NDUFAF7: variants seen among roughly 807,000 people sequenced by gnomAD.
NDUFAF7 encodes the protein protein arginine methyltransferase NDUFAF7, mitochondrial.
NDUFAF7 carries 48 observed loss-of-function variants against 47.2 expected under a neutral mutation model. The ratio of observed to expected loss-of-function variants is 1.02; its 90% confidence interval spans 0.81 to 1.29. The LOEUF (loss-of-function observed/expected upper bound fraction) is 1.29, where lower values mean the gene tolerates loss of function less well. Among genes scored for constraint, NDUFAF7 ranks in the 50% most tolerant of loss-of-function variants. The pLI, the probability that NDUFAF7 is intolerant of heterozygous loss-of-function variation, is 0.00. For missense variants in NDUFAF7, 635 were observed against 537.6 expected, an observed-to-expected ratio of 1.18 and a Z score of -1.79; for synonymous variants, 217 against 190.0, an observed-to-expected ratio of 1.14 and a Z score of -1.17.
intron 6 of NDUFAF7, among the ~76,000 whole-genome samples, chr2:37,242,985 A>G (rs1374181415): frequency 1.3e-5 from 2 of 152,154 alleles, no homozygotes; most frequent in Non-Finnish European, 2.9e-5. Context: ...GATTTACTTA[A>G]GCAAAAAAAA....
rs1667163828 is a variant in NDUFAF7, at chr2:37,248,516, G to T, written c.*166G>T. On this transcript the variant is annotated 3_prime_UTR_variant, in exon 10 of 10. Transcript: ENST00000002125. The stretch of plus-strand genomic sequence containing the variant: ...CCAACATTATAGAACTTTTAGGGTT[G>T]TGACTGGCTTTGGTGCAAATGTGTG... 1.4e-6 allele frequency: 1 copy of T among 721,298 alleles called. No individual in the cohort carries two copies. Among genetic ancestry groups the T allele is most frequent in the African/African-American group, 1.8e-5 (1 of 56,960 alleles). 44.7% of individuals were successfully genotyped at this position (721,298 alleles called of 1,614,324 possible). A position where few individuals can be genotyped will look rare whatever the true frequency, so the allele number is the denominator to read the frequency against.
At chr2:37,262,452 T>C in the NDUFAF7 span, among the ~76,000 whole-genome samples, 7 of 152,282 alleles carry the variant, frequency 4.6e-5, no homozygotes, top group South Asian at 2.1e-4. Context: ...AAATGCAAAA[T>C]AGACTTGTTT....
the NDUFAF7 span, chr2:37,259,436 A>C: frequency 1.9e-6 from 1 of 532,304 alleles, no homozygotes; most frequent in Non-Finnish European, 3.4e-6. Context: ...TTAGTTATTA[A>C]TCCTCACTGG....
chr2:37,238,205 G>A (rs1665991949), intron 4 of NDUFAF7, among the ~76,000 whole-genome samples: 1 of 152,140 alleles, frequency 6.6e-6, no homozygotes, highest in East Asian at 1.9e-4. Context: ...GCCAAGGTGG[G>A]CAGATCACAA....
At chr2:37,233,353 G>T (rs1210497640) in intron 2 of NDUFAF7, among the ~76,000 whole-genome samples, 1 of 152,256 alleles carries the variant, frequency 6.6e-6, no homozygotes, top group African/African-American at 2.4e-5. Context: ...TTCAGGGCCG[G>T]ACGTGGCGGC....
intron 4 of NDUFAF7, 96 bp from the exon 5 acceptor site, chr2:37,241,482 C>A: frequency 2.9e-6 from 3 of 1,023,592 alleles, no homozygotes; most frequent in Non-Finnish European, 4.4e-6. Flanking sequence ...GAAATATTAC[C>A]TCTATTGTGA....
chr2:37,254,635 G>C (rs1294693808), downstream of NDUFAF7, among the ~76,000 whole-genome samples: 46 of 152,152 alleles, frequency 3.0e-4, no homozygotes, highest in Non-Finnish European at 2.9e-5. Flanking sequence ...TCATGAAGTT[G>C]CTGACATATG....
intron 2 of NDUFAF7, among the ~76,000 whole-genome samples, chr2:37,233,431 C>T (rs914055994): frequency 3.3e-5 from 5 of 152,136 alleles, no homozygotes; most frequent in Non-Finnish European, 7.4e-5. Context: ...AGTTTGAGAC[C>T]AGCCTGACCA....
rs1358523700 is a variant in NDUFAF7, at chr2:37,236,086, T to A, written c.217-10T>A. On this transcript the variant is annotated splice_polypyrimidine_tract_variant and intron_variant, in intron 2 of 9. Coordinates refer to ENST00000002125, the MANE Select transcript of NDUFAF7 (RefSeq NM_144736.5). ...TTAATTTTGTTTCTCTATTTTCTCT[T>A]TTTACTCAGGGTTATTATGTGTACC... The A allele has an allele frequency of 1.2e-6, 2 of 1,607,206 alleles. No individual in the cohort carries two copies. The highest frequency in any genetic ancestry group is 4.5e-5 in the East Asian group (2 of 44,776).
the NDUFAF7 span, among the ~76,000 whole-genome samples, chr2:37,260,690 T>G: frequency 6.6e-6 from 1 of 152,208 alleles, no homozygotes; most frequent in Admixed American, 6.5e-5. Flanking sequence ...TCTAATTTCA[T>G]GCTTTCCCTG....
intron 4 of NDUFAF7, among the ~76,000 whole-genome samples, chr2:37,240,933 T>A (rs550289729): frequency 2.6e-5 from 4 of 152,226 alleles, no homozygotes; most frequent in Non-Finnish European, 4.4e-5. Context: ...CATATTCATA[T>A]CTCAAAAGTA....
At chr2:37,238,392 G>C (rs554171277) in intron 4 of NDUFAF7, among the ~76,000 whole-genome samples, 7 of 152,068 alleles carry the variant, frequency 4.6e-5, no homozygotes, top group Admixed American at 6.5e-5. Flanking sequence ...GTGATTGATT[G>C]CAGAGCTGAG....
At chr2:37,250,197 G>A (rs1448702673), downstream of NDUFAF7, among the ~76,000 whole-genome samples, 2 of 151,718 alleles carry the variant, frequency 1.3e-5, no homozygotes, top group African/African-American at 2.4e-5. Context: ...GCCCAGCCTC[G>A]GGCCACTCCT....
the NDUFAF7 span, among the ~76,000 whole-genome samples, chr2:37,262,747 T>C: frequency 6.6e-6 from 1 of 152,188 alleles, no homozygotes; most frequent in African/African-American, 2.4e-5. Flanking sequence ...ACATTATTTT[T>C]CTCCCTTAAC....
At chr2:37,263,895 C>T in the NDUFAF7 span, among the ~76,000 whole-genome samples, 1 of 152,090 alleles carries the variant, frequency 6.6e-6, no homozygotes, top group African/African-American at 2.4e-5. Flanking sequence ...TTTGGGGTAG[C>T]TTCCAAGATG....
At chr2:37,249,303 G>C (rs933472838), downstream of NDUFAF7, 14 of 152,060 alleles carry the variant, frequency 9.2e-5, no homozygotes, top group Admixed American at 2.0e-4. Flanking sequence ...GTGCATCTGT[G>C]CATTTTTTAA....
chr2:37,235,165 C>T (rs1238912328), intron 2 of NDUFAF7, among the ~76,000 whole-genome samples: 4 of 150,942 alleles, frequency 2.7e-5, no homozygotes, highest in African/African-American at 7.3e-5. Flanking sequence ...TGAGCAGATT[C>T]GGAGGTTGAG....
rs2148448659 is a variant in NDUFAF7, at chr2:37,248,561, G to A, written c.*211G>A. On this transcript the variant is annotated 3_prime_UTR_variant, in exon 10 of 10. Coordinates refer to ENST00000002125, the MANE Select transcript of NDUFAF7 (RefSeq NM_144736.5). ...TGTGTGCTCAAGCTAATAAGTTATT[G>A]TGAAACTGAGTTTCCTTTAACTTAC... is the stretch of plus-strand genomic sequence containing the variant. 1.7e-6 allele frequency: 1 copy of A among 573,760 alleles called. No individual in the cohort carries two copies. The highest frequency in any genetic ancestry group is 3.0e-5 in the East Asian group (1 of 32,830). 35.5% of individuals were successfully genotyped at this position (573,760 alleles called of 1,614,324 possible). A position where few individuals can be genotyped will look rare whatever the true frequency, so the allele number is the denominator to read the frequency against.
the NDUFAF7 span, chr2:37,259,789 T>TTAGC: frequency 1.3e-6 from 1 of 751,228 alleles, no homozygotes; most frequent in Non-Finnish European, 2.2e-6. Context: ...TCATCAAGAC[T>TTAGC]TAGCTAAAAG....
Sources: gnomAD v4.1 joint callset for allele counts (sites outside exome capture counted in the v4.1 genomes callset) on GRCh38, gnomAD v4.1.1 for gene constraint, MANE v1.5 for transcripts, NCBI Gene and HGNC (gene_info 2026-07-23, HGNC 2026-07-21) for gene names.